Variants in CNNM2 observed in about 807,000 individuals in gnomAD.
The protein encoded by CNNM2 is cyclin and CBS domain divalent metal cation transport mediator 2, also known as metal transporter CNNM2.
A neutral mutation model predicts 66.9 loss-of-function variants in CNNM2; 12 were observed. The ratio of observed to expected loss-of-function variants is 0.18; its 90% confidence interval spans 0.11 to 0.29. CNNM2 has a LOEUF of 0.29. CNNM2 is among the 10% of genes least tolerant of loss of function. CNNM2 has a pLI of 1.00. For missense variants in CNNM2, 705 were observed against 1,167.7 expected, an observed-to-expected ratio of 0.60 and a Z score of 5.77; for synonymous variants, 557 against 501.8, an observed-to-expected ratio of 1.11 and a Z score of -1.47.
At chr10:103,049,964 G>A (rs2065188927) in intron 2 of CNNM2, 114 bp downstream of exon 2, 1 of 997,810 alleles carries the variant, frequency 1.0e-6, no homozygotes, top group Admixed American at 2.2e-5. Context: ...GACACATGAT[G>A]TGTGTAGGCC....
At chr10:103,007,663 G>A (rs941066679) in intron 1 of CNNM2, among the ~76,000 whole-genome samples, 16 of 152,060 alleles carry the variant, frequency 1.1e-4, no homozygotes, top group African/African-American at 3.1e-4. Context: ...GCCTGACCCC[G>A]CAGGCAGTCA....
chr10:103,072,591 C>T (rs535817439), intron 6 of CNNM2, among the ~76,000 whole-genome samples: 1 of 152,228 alleles, frequency 6.6e-6, no homozygotes, highest in Non-Finnish European at 1.5e-5. Flanking sequence ...ATTCCTATCC[C>T]GCTGCTGCCG....
At chr10:102,969,428 G>T (rs2063516264) in intron 1 of CNNM2, among the ~76,000 whole-genome samples, 1 of 149,332 alleles carries the variant, frequency 6.7e-6, no homozygotes, top group East Asian at 2.0e-4. Context: ...TGGCCAGGCT[G>T]GTCTCGAACT....
At chr10:103,036,771 T>C (rs553227651) in intron 1 of CNNM2, among the ~76,000 whole-genome samples, 4 of 152,242 alleles carry the variant, frequency 2.6e-5, no homozygotes, top group Non-Finnish European at 5.9e-5. Context: ...GATAACCGTT[T>C]AGTGAGCTTT....
intron 1 of CNNM2, among the ~76,000 whole-genome samples, chr10:102,971,018 C>A (rs1231388827): frequency 6.7e-6 from 1 of 149,266 alleles, no homozygotes; most frequent in Non-Finnish European, 1.5e-5. Flanking sequence ...TGGTGAGACC[C>A]TGTCTCTACA....
In CNNM2 at chr10:102,947,882, T is replaced by C. The variant is rs534799200; in HGVS notation, c.1621+27781T>C. Among the ~76,000 whole-genome samples, 117 of 151,628 alleles carry C rather than the reference T, an allele frequency of 7.7e-4. 2 individuals carry two copies. Among genetic ancestry groups the C allele is most frequent in the Non-Finnish European group, 8.5e-4 (58 of 67,888 alleles). On this transcript the variant is annotated intron_variant, in intron 1 of 7. Transcript: ENST00000369878. ...TGGCTAACACGGTGAAACCCTGTCTTTACTAAAAATACAAAAAAAAATTAG... is the reference window on the plus strand; with the variant it reads ...TGGCTAACACGGTGAAACCCTGTCTCTACTAAAAATACAAAAAAAAATTAG...
At chr10:102,993,088 C>G (rs1209021674) in intron 1 of CNNM2, among the ~76,000 whole-genome samples, 1 of 152,182 alleles carries the variant, frequency 6.6e-6, no homozygotes, top group Admixed American at 6.5e-5. Flanking sequence ...GTTTTCGTAA[C>G]TGGCTTATAG....
intron 1 of CNNM2, among the ~76,000 whole-genome samples, chr10:103,019,177 G>A (rs1203006295): frequency 6.6e-6 from 1 of 151,560 alleles, no homozygotes; most frequent in Non-Finnish European, 1.5e-5. Context: ...GCTGAGTTGG[G>A]AGGATCACCT....
intron 1 of CNNM2, among the ~76,000 whole-genome samples, chr10:103,020,229 CA>C (rs1169445621): frequency 2.0e-5 from 3 of 151,796 alleles, no homozygotes; most frequent in African/African-American, 7.3e-5. Context: ...GATCTCAGCT[CA>C]CTGCAACCTC....
chr10:102,922,769 C>T (rs1018006812), intron 1 of CNNM2, among the ~76,000 whole-genome samples: 3 of 151,860 alleles, frequency 2.0e-5, no homozygotes, highest in African/African-American at 7.3e-5. Context: ...GGTGACACCC[C>T]GTGCCTACAA....
chr10:102,996,370 A>C (rs920897299), intron 1 of CNNM2, among the ~76,000 whole-genome samples: 2 of 151,684 alleles, frequency 1.3e-5, no homozygotes, highest in African/African-American at 4.9e-5. Context: ...CCTTTTCTTC[A>C]TCAAGGCTGA....
chr10:102,973,997 T>C (rs1177505858), intron 1 of CNNM2, among the ~76,000 whole-genome samples: 7 of 152,224 alleles, frequency 4.6e-5, no homozygotes, highest in African/African-American at 1.7e-4. Context: ...GGGTGAAAGA[T>C]AACTATTGAC....
intron 1 of CNNM2, among the ~76,000 whole-genome samples, chr10:103,002,962 T>C (rs1590377723): frequency 6.6e-6 from 1 of 152,284 alleles, no homozygotes; most frequent in East Asian, 1.9e-4. Context: ...CAGTTGTTCA[T>C]AGCGGCATTA....
intron 1 of CNNM2, among the ~76,000 whole-genome samples, chr10:102,996,989 C>T (rs1453355085): frequency 3.9e-5 from 6 of 152,212 alleles, no homozygotes; most frequent in Non-Finnish European, 5.9e-5. Flanking sequence ...AGCTGACATC[C>T]TGTGACTTCC....
At position 103,081,037 on chromosome 10, in the gene CNNM2, C is replaced by T. The variant is rs1224310146; in HGVS notation, c.*3857C>T. On this transcript the variant is annotated 3_prime_UTR_variant, in exon 8 of 8. Coordinates refer to ENST00000369878, the MANE Select transcript of CNNM2 (RefSeq NM_017649.5). ...CAACCAGAGTTGCCCCTGTGGTTCC[C>T]CAGGGGTGATCCTAGGCAGATGACT... The T allele has an allele frequency of 1.3e-5, 2 of 152,124 alleles. No individual in the cohort carries two copies. Among genetic ancestry groups the T allele is most frequent in the Non-Finnish European group, 2.9e-5 (2 of 68,022 alleles). The allele number at this position is 152,124 out of a possible 1,614,324, so 9.4% of individuals were successfully genotyped here.
At position 103,081,546 on chromosome 10, in the gene CNNM2, C is replaced by G. The variant is rs187249229; in HGVS notation, c.*4366C>G. 3.2e-4 allele frequency: 48 copies of G among 152,166 alleles called. No individual in the cohort carries two copies. Among genetic ancestry groups the G allele is most frequent in the African/African-American group, 1.1e-3 (47 of 41,504 alleles). The allele number at this position is 152,166 out of a possible 1,614,324, so 9.4% of individuals were successfully genotyped here. On this transcript the variant is annotated 3_prime_UTR_variant, in exon 8 of 8. Transcript: ENST00000369878. The stretch of plus-strand genomic sequence containing the variant: ...GTCATTTGCAAATCTTTATCTTTTC[C>G]TATTTCTTAGGTGTTCAAGTTGGTT...
chr10:102,993,744 A>G (rs1370112221), intron 1 of CNNM2, among the ~76,000 whole-genome samples: 2 of 152,104 alleles, frequency 1.3e-5, no homozygotes, highest in African/African-American at 4.8e-5. Flanking sequence ...TAAGCTTCAA[A>G]CCTACGTAAG....
chr10:103,037,998 C>G (rs1187110319), intron 1 of CNNM2, among the ~76,000 whole-genome samples: 1 of 152,070 alleles, frequency 6.6e-6, no homozygotes, highest in Non-Finnish European at 1.5e-5. Flanking sequence ...TACCACCATA[C>G]CCAGCTAATT....
In CNNM2 at chr10:103,079,421, C is replaced by G. The variant is rs1399107653; in HGVS notation, c.*2241C>G. The stretch of plus-strand genomic sequence containing the variant: ...GGGCTCACGTCTGCTTCTCCACACA[C>G]AGTCTCTCGGGGATGCCTTGCTACT... On this transcript the variant is annotated 3_prime_UTR_variant, in exon 8 of 8. Transcript: ENST00000369878. The G allele has an allele frequency of 6.6e-6, 1 of 152,276 alleles. No homozygotes were observed. The highest frequency in any genetic ancestry group is 2.4e-5 in the African/African-American group (1 of 41,442). The allele number at this position is 152,276 out of a possible 1,614,324, so 9.4% of individuals were successfully genotyped here.
Sources: allele counts gnomAD v4.1 joint callset (sites outside exome capture counted in the v4.1 genomes callset), GRCh38; gene constraint gnomAD v4.1.1; transcripts MANE v1.5; gene names NCBI Gene and HGNC (gene_info 2026-07-23, HGNC 2026-07-21).